The following ADGRL2 variants were observed in gnomAD, a reference collection of about 807,000 sequenced individuals.
ADGRL2 encodes adhesion G protein-coupled receptor L2, also known as calcium-independent alpha-latrotoxin receptor 2.
Under a neutral mutation model 157.4 loss-of-function variants are expected in ADGRL2, and 44 were observed. That is an observed-to-expected ratio of 0.28 (90% CI 0.22 to 0.36). The LOEUF (loss-of-function observed/expected upper bound fraction) is 0.36. Ranked by LOEUF, ADGRL2 falls within the 10% of genes least tolerant of loss-of-function variation. The pLI, the probability that ADGRL2 is intolerant of heterozygous loss-of-function variation, is 1.00. For synonymous variants in ADGRL2, 585 were observed against 624.7 expected (o/e 0.94, Z 0.95); for missense variants, 1,510 against 1,768.9 (o/e 0.85, Z 2.63).
chr1:81,454,847 T>A (rs77643267), intron 2 of ADGRL2, among the ~76,000 whole-genome samples: 1,681 of 152,264 alleles, frequency 0.011, 39 homozygotes, highest in African/African-American at 0.039. Context: ...CCGTCAAAGA[T>A]AAGTTCCCAT....
intron 3 of ADGRL2, among the ~76,000 whole-genome samples, chr1:81,680,923 C>T (rs572270584): frequency 7.8e-4 from 119 of 152,132 alleles, no homozygotes; most frequent in Non-Finnish European, 1.3e-3. Context: ...AGGCAGAGAT[C>T]CTCCATCCCC....
chr1:81,374,219 A>G (rs1249100482), intron 1 of ADGRL2, among the ~76,000 whole-genome samples: 2 of 152,194 alleles, frequency 1.3e-5, no homozygotes, highest in African/African-American at 4.8e-5. Flanking sequence ...CCATTAAAGC[A>G]CACAACAAAG....
At chr1:81,807,387 T>C (rs2149584912) in intron 1 of ADGRL2, among the ~76,000 whole-genome samples, 1 of 152,098 alleles carries the variant, frequency 6.6e-6, no homozygotes, top group African/African-American at 2.4e-5. Flanking sequence ...TTCAAATAAT[T>C]CTTGATTGAA....
intron 1 of ADGRL2, among the ~76,000 whole-genome samples, chr1:81,337,729 A>T (rs1232776187): frequency 6.6e-6 from 1 of 152,134 alleles, no homozygotes; most frequent in Non-Finnish European, 1.5e-5. Context: ...ACAACCAAAA[A>T]ATTGCTAAAG....
chr1:81,676,314 T>G (rs2082988802), intron 3 of ADGRL2, among the ~76,000 whole-genome samples: 1 of 152,032 alleles, frequency 6.6e-6, no homozygotes, highest in Non-Finnish European at 1.5e-5. Context: ...CGGCCTGTTT[T>G]GTTTTGTTTT....
At chr1:81,963,738 T>G (rs2149251882) in intron 11 of ADGRL2, among the ~76,000 whole-genome samples, 1 of 151,654 alleles carries the variant, frequency 6.6e-6, no homozygotes, top group Non-Finnish European at 1.5e-5. Flanking sequence ...AAAATTTAAT[T>G]TGTCCAGGAT....
At chr1:81,918,180 C>G (rs1395428106) in intron 3 of ADGRL2, among the ~76,000 whole-genome samples, 2 of 152,140 alleles carry the variant, frequency 1.3e-5, no homozygotes, top group Non-Finnish European at 2.9e-5. Flanking sequence ...TTACTGCTAA[C>G]TATTCTGGTG....
chr1:81,527,146 A>G (rs1557428877), intron 2 of ADGRL2, among the ~76,000 whole-genome samples: 1 of 152,238 alleles, frequency 6.6e-6, no homozygotes, highest in Non-Finnish European at 1.5e-5. Context: ...TACTATTAGG[A>G]TCACCAATAA....
chr1:81,764,276 A>G (rs1378528330), intron 2 of ADGRL2, among the ~76,000 whole-genome samples: 3 of 151,954 alleles, frequency 2.0e-5, no homozygotes, highest in African/African-American at 7.2e-5. Flanking sequence ...TAATGTTAAT[A>G]AATCGTTTAT....
intron 1 of ADGRL2, among the ~76,000 whole-genome samples, chr1:81,400,180 G>T (rs564236647): frequency 1.3e-5 from 2 of 152,174 alleles, no homozygotes; most frequent in South Asian, 2.1e-4. Flanking sequence ...TTTCCCCCCA[G>T]TGGAAAGTCT....
intron 1 of ADGRL2, among the ~76,000 whole-genome samples, chr1:81,363,997 T>C (rs374907636): frequency 3.3e-5 from 5 of 152,296 alleles, no homozygotes; most frequent in African/African-American, 1.2e-4. Context: ...TTTGTGGGCA[T>C]TTAATATTGT....
At chr1:81,836,026 CA>C (rs2150177895) in intron 1 of ADGRL2, among the ~76,000 whole-genome samples, 1 of 152,062 alleles carries the variant, frequency 6.6e-6, no homozygotes, top group South Asian at 2.1e-4. Flanking sequence ...CACAGTAGGT[CA>C]GATAATGTGC....
At chr1:81,947,099 A>C (rs886421657) in intron 6 of ADGRL2, among the ~76,000 whole-genome samples, 1 of 152,214 alleles carries the variant, frequency 6.6e-6, no homozygotes, top group Admixed American at 6.5e-5. Flanking sequence ...AATGGTAGGT[A>C]GAATCCTAAG....
chr1:81,639,387 T>C (rs1385267373), intron 3 of ADGRL2, among the ~76,000 whole-genome samples: 2 of 151,892 alleles, frequency 1.3e-5, no homozygotes, highest in Non-Finnish European at 2.9e-5. Context: ...TTCCTTTAAA[T>C]ATAAAGACAT....
chr1:81,615,489 G>C (rs1301058213), intron 3 of ADGRL2, among the ~76,000 whole-genome samples: 2 of 152,230 alleles, frequency 1.3e-5, no homozygotes, highest in Non-Finnish European at 2.9e-5. Flanking sequence ...CCTGAAGTCA[G>C]TGAGACCATG....
intron 2 of ADGRL2, among the ~76,000 whole-genome samples, chr1:81,851,533 T>G (rs867781113): frequency 8.6e-5 from 13 of 152,044 alleles, no homozygotes; most frequent in Middle Eastern, 3.4e-3. Flanking sequence ...ATCTTCATAA[T>G]GGGTAATGAT....
intron 1 of ADGRL2, among the ~76,000 whole-genome samples, chr1:81,440,139 G>C (rs1384353587): frequency 6.6e-6 from 1 of 152,172 alleles, no homozygotes; most frequent in Non-Finnish European, 1.5e-5. Flanking sequence ...ATGTAAAATA[G>C]GTGAAGGGTG....
intron 2 of ADGRL2, among the ~76,000 whole-genome samples, chr1:81,869,967 A>G (rs1390795706): frequency 6.6e-6 from 1 of 152,068 alleles, no homozygotes; most frequent in South Asian, 2.1e-4. Flanking sequence ...GTAGTGCTAT[A>G]TATCATGTCA....
chr1:81,577,111 C>A (rs1044692166), intron 2 of ADGRL2, among the ~76,000 whole-genome samples: 2 of 152,200 alleles, frequency 1.3e-5, no homozygotes, highest in Admixed American at 6.6e-5. Context: ...AACTCTTCAA[C>A]CTTTCATTGA....
Sources: allele counts gnomAD v4.1 joint callset (sites outside exome capture counted in the v4.1 genomes callset), GRCh38; gene constraint gnomAD v4.1.1; transcripts MANE v1.5; gene names NCBI Gene and HGNC (gene_info 2026-07-23, HGNC 2026-07-21).